Variants in MYLK3 observed in about 807,000 individuals in gnomAD.
The protein encoded by MYLK3 is myosin light chain kinase 3.
A neutral mutation model predicts 76.3 loss-of-function variants in MYLK3; 55 were observed. The ratio of observed to expected loss-of-function variants is 0.72; its 90% CI spans 0.58 to 0.90. The LOEUF (loss-of-function observed/expected upper bound fraction) is 0.90. MYLK3 is among the 40% of genes least tolerant of loss of function. MYLK3 has a pLI of 0.00. For synonymous variants in MYLK3, 416 were observed against 425.4 expected, an observed-to-expected ratio of 0.98 and a Z score of 0.27; for missense variants, 973 against 1,053.6, an observed-to-expected ratio of 0.92 and a Z score of 1.06.
intron 3 of MYLK3, among the ~76,000 whole-genome samples, chr16:46,736,174 C>T (rs1025345527): frequency 2.6e-5 from 4 of 152,132 alleles, no homozygotes; most frequent in African/African-American, 4.8e-5. Flanking sequence ...ACCATGCCCA[C>T]GGTAGCCCAG....
At chr16:46,727,129 C>A in intron 8 of MYLK3, 107 bp downstream of exon 8, 1 of 1,286,532 alleles carries the variant, frequency 7.8e-7, no homozygotes, top group Non-Finnish European at 1.1e-6. Flanking sequence ...TGACAGAGAG[C>A]CAGGAATGGA....
chr16:46,732,217 C>A lies in MYLK3; in HGVS notation c.1453G>T (p.Val485Leu). ...CAACAGCCCCACTTACCCAGAACCA[C>A]GCTGCCAGCCTCGGCGCCTGGGGGC... ...RMPPGAEAGS[V>L]VLDDSPAPPA... Residue 485 changes from valine to leucine, a missense_variant, in exon 4 of 13, where the codon GTG becomes TTG. Transcript: ENST00000394809. 1 of 1,582,880 alleles carries A rather than the reference C, an allele frequency of 6.3e-7. No homozygotes were observed. The highest frequency in any genetic ancestry group is 8.6e-7 in the Non-Finnish European group (1 of 1,168,114).
intron 9 of MYLK3, among the ~76,000 whole-genome samples, chr16:46,716,304 A>G (rs1466968355): frequency 1.3e-5 from 2 of 152,100 alleles, no homozygotes; most frequent in Admixed American, 6.6e-5. Context: ...GTTATGGGAT[A>G]GATAGATGGA....
chr16:46,741,204 T>C (rs952289978), intron 1 of MYLK3, among the ~76,000 whole-genome samples: 1 of 152,242 alleles, frequency 6.6e-6, no homozygotes, highest in Admixed American at 6.5e-5. Flanking sequence ...GGGAGTAATG[T>C]GCAAATGTCC....
intron 10 of MYLK3, 189 bp from the exon 11 acceptor site, chr16:46,710,978 T>C (rs1966677945): frequency 1.5e-6 from 1 of 652,790 alleles, no homozygotes; most frequent in Non-Finnish European, 2.6e-6. Context: ...AGCGGAAGGA[T>C]TTAAAATTTG....
chr16:46,735,934 C>T (rs1332672059), intron 3 of MYLK3, among the ~76,000 whole-genome samples: 3 of 152,204 alleles, frequency 2.0e-5, no homozygotes, highest in South Asian at 2.1e-4. Flanking sequence ...GGCAGACTCA[C>T]GGCAGGCAGT....
intron 9 of MYLK3, among the ~76,000 whole-genome samples, chr16:46,720,126 A>G: frequency 6.6e-6 from 1 of 152,220 alleles, no homozygotes; most frequent in Middle Eastern, 3.2e-3. Context: ...TGTAGTGAAC[A>G]GAGATTGCAC....
intron 8 of MYLK3, chr16:46,726,028 G>A (rs1966839960): frequency 1.3e-5 from 2 of 152,168 alleles, no homozygotes; most frequent in Non-Finnish European, 2.9e-5. Flanking sequence ...TGAGGATCCA[G>A]TTTCATTCTC....
chr16:46,749,493 G>A (rs549332370), upstream of MYLK3, among the ~76,000 whole-genome samples: 1 of 152,362 alleles, frequency 6.6e-6, no homozygotes, highest in Admixed American at 6.5e-5. Context: ...AGGGCCGGAT[G>A]CAGTGGCTCA....
At chr16:46,745,640 G>A (rs986877076) in intron 1 of MYLK3, among the ~76,000 whole-genome samples, 1 of 152,140 alleles carries the variant, frequency 6.6e-6, no homozygotes, top group Non-Finnish European at 1.5e-5. Flanking sequence ...CAGCTATTCA[G>A]GAGGCTGAGA....
intron 1 of MYLK3, among the ~76,000 whole-genome samples, chr16:46,747,357 G>C (rs1967045668): frequency 6.6e-6 from 1 of 152,320 alleles, no homozygotes; most frequent in African/African-American, 2.4e-5. Context: ...GGCCACTCCT[G>C]CCTGTCCCAC....
chr16:46,732,269 C>G lies in MYLK3; in HGVS notation c.1401G>C (p.Pro467=). 6.2e-7 allele frequency: 1 copy of G among 1,605,910 alleles called. No homozygotes were observed. ...EPEQDCAARA[P]VRAEAVRRMP... Reference sequence around the variant, plus strand: ...TCCTCCTTACTGCTTCAGCTCTCACCGGAGCCCTGGCTGCACAGTCCTGCT... The same window carrying G: ...TCCTCCTTACTGCTTCAGCTCTCACGGGAGCCCTGGCTGCACAGTCCTGCT... Residue 467 remains proline, a synonymous_variant, in exon 4 of 13, where the codon CCG becomes CCC. Transcript: ENST00000394809.
chr16:46,716,033 G>C (rs449778), intron 9 of MYLK3, among the ~76,000 whole-genome samples: 148,729 of 152,272 alleles, frequency 0.98, 72,715 homozygotes, highest in East Asian at 1. Context: ...TGTTTTTGAC[G>C]TTTTCAGTCC....
In MYLK3 at chr16:46,727,339, T is replaced by C. The variant is rs142296656; in HGVS notation, c.1811A>G (p.Glu604Gly). 11 of 1,613,468 alleles carry C rather than the reference T, an allele frequency of 6.8e-6. No homozygotes were observed. The East Asian group carries it at 2.5e-4, about 36-fold the overall frequency. Residue 604 changes from glutamate to glycine, a missense_variant, in exon 8 of 13, where the codon GAG becomes GGG. Physicochemically the swap from Glu to Gly is moderately conservative, Grantham distance 98. This residue lies in a region of MYLK3 where 332 missense variants were observed against 416.6 expected (regional missense o/e 0.80). Transcript: ENST00000394809. ...GGELFDRITD[E>G]KYHLTELDVV... is the part of the protein sequence containing the mutation. ...ATCCAGCTCAGTCAGGTGGTACTTC[T>C]CATCTGTGATCCGGTCGAAGAGCTC... is the stretch of plus-strand genomic sequence containing the variant.
chr16:46,711,099 G>A lies in MYLK3; in HGVS notation c.2115-310C>T, dbSNP rs1045559458. On this transcript the variant is annotated intron_variant, in intron 10 of 12. Coordinates refer to ENST00000394809, the MANE Select transcript of MYLK3 (RefSeq NM_182493.3). Reference sequence around the variant, plus strand: ...CCAACTTGGTATGCCCAGTTATCAAGTACACATTGATTTAATTTTAGAAAT... The same window carrying A: ...CCAACTTGGTATGCCCAGTTATCAAATACACATTGATTTAATTTTAGAAAT... The A allele has an allele frequency of 3.9e-5, 13 of 331,654 alleles. No individual in the cohort carries two copies. The Admixed American group carries it at 4.0e-4, about 10-fold the overall frequency. The allele number at this position is 331,654 out of a possible 1,614,324, so 20.5% of individuals were successfully genotyped here.
chr16:46,731,207 C>A (rs182068391), intron 4 of MYLK3, among the ~76,000 whole-genome samples: 1 of 152,182 alleles, frequency 6.6e-6, no homozygotes, highest in East Asian at 1.9e-4. Context: ...CATGACAGCC[C>A]GTGATGGAGC....
rs992533074 is a variant in MYLK3, at chr16:46,711,693, CTT to C, written c.2115-906_2115-905del. ...CATTTGTACCAAAGCACCTGCATGT[CTT>C]TGCTGGAGGGCTTTCTCTCCAGCTG... On this transcript the variant is annotated intron_variant, in intron 10 of 12. Transcript: ENST00000394809. 7 of 412,726 alleles carry C rather than the reference CTT, an allele frequency of 1.7e-5. No individual in the cohort carries two copies. The Admixed American group carries it at 2.1e-4, about 12-fold the overall frequency. The allele number at this position is 412,726 out of a possible 1,614,324, so 25.6% of individuals were successfully genotyped here.
intron 1 of MYLK3, among the ~76,000 whole-genome samples, chr16:46,741,002 G>C (rs1966922694): frequency 6.6e-6 from 1 of 152,202 alleles, no homozygotes; most frequent in African/African-American, 2.4e-5. Flanking sequence ...AGCTGGGTTG[G>C]GGGATCCCAT....
intron 1 of MYLK3, among the ~76,000 whole-genome samples, chr16:46,758,861 T>C (rs989408071): frequency 1.3e-5 from 2 of 151,788 alleles, no homozygotes; most frequent in Non-Finnish European, 2.9e-5. Flanking sequence ...GCTCTGACGG[T>C]TGTCTGAGAA....
Sources: allele counts gnomAD v4.1 joint callset (sites outside exome capture counted in the v4.1 genomes callset), GRCh38; gene constraint gnomAD v4.1.1; regional missense constraint gnomAD v4.1.1; transcripts MANE v1.5; gene names NCBI Gene and HGNC (gene_info 2026-07-23, HGNC 2026-07-21).